The following SLC25A12 variants were observed in gnomAD, a reference collection of about 807,000 sequenced individuals.
The protein encoded by SLC25A12 is solute carrier family 25 member 12.
Under a neutral mutation model 83.3 loss-of-function variants are expected in SLC25A12, and 32 were observed. The observed-to-expected ratio is 0.38, with a 90% confidence interval of 0.29 to 0.52. The LOEUF (loss-of-function observed/expected upper bound fraction) is 0.52. SLC25A12 is among the 20% of genes least tolerant of loss of function. The pLI is 0.84. For synonymous variants in SLC25A12, 267 were observed against 291.1 expected (o/e 0.92, Z 0.84); for missense variants, 611 against 835.6 (o/e 0.73, Z 3.31).
chr2:171,867,919 A>G (rs908184896), intron 3 of SLC25A12, among the ~76,000 whole-genome samples: 7 of 152,152 alleles, frequency 4.6e-5, no homozygotes, highest in Admixed American at 1.3e-4. Flanking sequence ...ATCTCGGCGC[A>G]CTGCAAGCTC....
At chr2:171,879,435 C>G (rs1685642983) in intron 2 of SLC25A12, among the ~76,000 whole-genome samples, 2 of 152,138 alleles carry the variant, frequency 1.3e-5, no homozygotes, top group South Asian at 4.1e-4. Context: ...CTGAATGATG[C>G]AATTTCTAAC....
chr2:171,800,148 A>G (rs1486223698), intron 13 of SLC25A12, among the ~76,000 whole-genome samples: 2 of 152,174 alleles, frequency 1.3e-5, no homozygotes, highest in African/African-American at 4.8e-5. Flanking sequence ...TTTTTCTTTA[A>G]AAACTACTAT....
At chr2:171,810,569 C>A (rs190647940) in intron 11 of SLC25A12, among the ~76,000 whole-genome samples, 1 of 152,206 alleles carries the variant, frequency 6.6e-6, no homozygotes, top group Non-Finnish European at 1.5e-5. Flanking sequence ...CGGAGCCATG[C>A]GTCTTCTCTA....
chr2:171,821,544 G>C (rs1210914418), intron 9 of SLC25A12, among the ~76,000 whole-genome samples: 6 of 152,110 alleles, frequency 3.9e-5, no homozygotes, highest in African/African-American at 1.2e-4. Context: ...GTATAAAATA[G>C]CATCCCATTG....
intron 6 of SLC25A12, 82 bp from the exon 7 acceptor site, chr2:171,834,947 G>T: frequency 1.4e-6 from 2 of 1,437,726 alleles, no homozygotes; most frequent in South Asian, 1.2e-5. Flanking sequence ...TCTCAAAGAG[G>T]ATCCAAAGGA....
At chr2:171,875,640 G>A (rs148299178) in intron 2 of SLC25A12, among the ~76,000 whole-genome samples, 39 of 149,376 alleles carry the variant, frequency 2.6e-4, no homozygotes, top group Middle Eastern at 4.0e-3. Flanking sequence ...GGGGCCGGGC[G>A]CGGTGGCTCA....
intron 13 of SLC25A12, among the ~76,000 whole-genome samples, chr2:171,795,496 C>A (rs1683579198): frequency 6.6e-6 from 1 of 152,166 alleles, no homozygotes; most frequent in African/African-American, 2.4e-5. Flanking sequence ...TTTACTACTT[C>A]CCTGAAATCT....
chr2:171,855,116 A>G (rs1035710825), intron 4 of SLC25A12, among the ~76,000 whole-genome samples: 1 of 152,206 alleles, frequency 6.6e-6, no homozygotes, highest in Non-Finnish European at 1.5e-5. Context: ...GAACTACTAC[A>G]TGGCTTTTAT....
intron 2 of SLC25A12, 96 bp downstream of exon 2, chr2:171,893,109 A>G: frequency 1.0e-6 from 1 of 966,080 alleles, no homozygotes; most frequent in Non-Finnish European, 1.7e-6. Context: ...AATACATGAA[A>G]ACTGAACATT....
chr2:171,890,273 G>A (rs1685903405), intron 2 of SLC25A12, among the ~76,000 whole-genome samples: 1 of 152,182 alleles, frequency 6.6e-6, no homozygotes, highest in Non-Finnish European at 1.5e-5. Context: ...GAAATACACG[G>A]TTAGCATGTA....
At chr2:171,864,920 T>C (rs1685253058) in intron 3 of SLC25A12, among the ~76,000 whole-genome samples, 1 of 152,210 alleles carries the variant, frequency 6.6e-6, no homozygotes, top group Non-Finnish European at 1.5e-5. Context: ...AATTTATGTT[T>C]GTATTTGTAA....
intron 2 of SLC25A12, among the ~76,000 whole-genome samples, chr2:171,869,854 G>A (rs1383877021): frequency 2.6e-5 from 4 of 152,184 alleles, no homozygotes; most frequent in East Asian, 1.9e-4. Context: ...GCCCATCATC[G>A]TTAAATTGCA....
chr2:171,892,245 T>C (rs1045042117), intron 2 of SLC25A12, among the ~76,000 whole-genome samples: 54 of 151,996 alleles, frequency 3.6e-4, no homozygotes, highest in African/African-American at 1.3e-3. Context: ...TTTTTTTTTT[T>C]TGAGACAGTG....
At chr2:171,827,095 A>G (rs956118006) in intron 8 of SLC25A12, among the ~76,000 whole-genome samples, 2 of 152,222 alleles carry the variant, frequency 1.3e-5, no homozygotes, top group African/African-American at 4.8e-5. Flanking sequence ...TGTGGAGTGC[A>G]TGAATTTGGT....
chr2:171,814,131 G>A (rs1444127802), intron 10 of SLC25A12, among the ~76,000 whole-genome samples: 1 of 151,866 alleles, frequency 6.6e-6, no homozygotes, highest in East Asian at 1.9e-4. Context: ...GCCAAAACCT[G>A]GTTTGCAACT....
intron 13 of SLC25A12, among the ~76,000 whole-genome samples, chr2:171,805,780 G>A (rs1364831137): frequency 6.6e-6 from 1 of 152,146 alleles, no homozygotes; most frequent in East Asian, 1.9e-4. Flanking sequence ...TTATTATTCT[G>A]TAATTATATT....
intron 4 of SLC25A12, among the ~76,000 whole-genome samples, chr2:171,851,876 A>T (rs1264913111): frequency 6.6e-6 from 1 of 152,184 alleles, no homozygotes; most frequent in East Asian, 1.9e-4. Flanking sequence ...AGCTACTGAC[A>T]ACACAATGTA....
intron 6 of SLC25A12, among the ~76,000 whole-genome samples, chr2:171,836,634 C>T (rs1337585293): frequency 1.3e-5 from 2 of 152,118 alleles, no homozygotes; most frequent in Non-Finnish European, 1.5e-5. Context: ...ATGATCCCTC[C>T]GGCAGACAGC....
intron 13 of SLC25A12, among the ~76,000 whole-genome samples, chr2:171,794,116 T>C (rs1423278150): frequency 6.6e-6 from 1 of 152,130 alleles, no homozygotes; most frequent in Non-Finnish European, 1.5e-5. Context: ...AGCAAGGTAC[T>C]CAATGAAAGA....
Sources: gnomAD v4.1 joint callset for allele counts (sites outside exome capture counted in the v4.1 genomes callset) on GRCh38, gnomAD v4.1.1 for gene constraint, MANE v1.5 for transcripts, NCBI Gene and HGNC (gene_info 2026-07-23, HGNC 2026-07-21) for gene names.